The following COL4A1 variants were observed in gnomAD, a reference collection of about 807,000 sequenced individuals.
COL4A1 encodes collagen type IV alpha 1 chain.
Under a neutral mutation model 216.6 loss-of-function variants are expected in COL4A1, and 40 were observed. The observed-to-expected ratio is 0.18, with a 90% CI of 0.14 to 0.24. COL4A1 has a LOEUF of 0.24. Ranked by LOEUF, COL4A1 falls within the 10% of genes least tolerant of loss-of-function variation. The pLI, the probability that COL4A1 is intolerant of heterozygous loss-of-function variation, is 1.00. For synonymous variants in COL4A1, 839 were observed against 810.7 expected, an observed-to-expected ratio of 1.03 and a Z score of -0.59; for missense variants, 1,628 against 2,196.8, an observed-to-expected ratio of 0.74 and a Z score of 5.18.
intron 16 of COL4A1, 28 bp downstream of exon 16, chr13:110,205,466 C>G: frequency 6.2e-7 from 1 of 1,605,850 alleles, no homozygotes; most frequent in South Asian, 1.1e-5. Context: ...AGTGAGCCTG[C>G]TTGTAAAAAC....
At chr13:110,191,732 A>G in intron 24 of COL4A1, 1 of 642,752 alleles carries the variant, frequency 1.6e-6, no homozygotes, top group East Asian at 2.7e-5. Flanking sequence ...AGGCAAACAG[A>G]TCTGCTTTCC....
chr13:110,198,363 T>C (rs1293570094), intron 21 of COL4A1, 104 bp downstream of exon 21: 3 of 1,270,992 alleles, frequency 2.4e-6, no homozygotes, highest in Non-Finnish European at 2.3e-6. Context: ...CGCCTTTCTA[T>C]TACACTCTGG....
At chr13:110,261,107 G>A (rs1882806927) in intron 1 of COL4A1, among the ~76,000 whole-genome samples, 1 of 142,702 alleles carries the variant, frequency 7.0e-6, no homozygotes, top group South Asian at 2.4e-4. Flanking sequence ...TTTTAAAAAT[G>A]TGAAAAAGAT....
intron 2 of COL4A1, among the ~76,000 whole-genome samples, chr13:110,220,610 C>G (rs1880427156): frequency 6.6e-6 from 1 of 152,200 alleles, no homozygotes; most frequent in South Asian, 2.1e-4. Context: ...GACTTCGGGA[C>G]TTGTCCTGCC....
In COL4A1 at chr13:110,212,073, A is replaced by T; in HGVS notation, c.388-151T>A. ...GTCACAAGCTGTGCTACTGGGTACC[A>T]CTTTATGAAAGAAGAAATAGACTTG... On this transcript the variant is annotated intron_variant, in intron 6 of 51. Transcript: ENST00000375820. 4 of 844,482 alleles carry T rather than the reference A, an allele frequency of 4.7e-6. No individual in the cohort carries two copies. The South Asian group carries it at 5.7e-5, about 12-fold the overall frequency. The allele number at this position is 844,482 out of a possible 1,614,324, so 52.3% of individuals were successfully genotyped here. A position where few individuals can be genotyped will look rare whatever the true frequency, so the allele number is the denominator to read the frequency against.
At chr13:110,183,576 C>T (rs1010068941) in intron 26 of COL4A1, among the ~76,000 whole-genome samples, 5 of 152,218 alleles carry the variant, frequency 3.3e-5, no homozygotes, top group Non-Finnish European at 7.3e-5. Context: ...TCTACAACAA[C>T]AACATGTGAG....
chr13:110,247,573 A>T (rs1328567892), intron 1 of COL4A1, among the ~76,000 whole-genome samples: 1 of 152,168 alleles, frequency 6.6e-6, no homozygotes, highest in Admixed American at 6.5e-5. Context: ...AATACACAGT[A>T]CGAGTGCCAA....
chr13:110,180,225 T>C (rs1878082123), intron 29 of COL4A1, among the ~76,000 whole-genome samples: 1 of 152,216 alleles, frequency 6.6e-6, no homozygotes, highest in Non-Finnish European at 1.5e-5. Flanking sequence ...CCCATTCCAT[T>C]AGGCATTTAC....
At position 110,173,835 on chromosome 13, in the gene COL4A1, C is replaced by T. The variant is rs753268104; in HGVS notation, c.3505+65G>A. The T allele has an allele frequency of 2.1e-4, 338 of 1,582,572 alleles. 1 individual carries two copies. The highest frequency in any genetic ancestry group is 2.7e-4 in the Non-Finnish European group (310 of 1,152,242). ...CCCAGCTTTATTCACTGAACACAGG[C>T]AGTCTGCAGGTCTCTGGGAGTGGAC... is the stretch of plus-strand genomic sequence containing the variant. On this transcript the variant is annotated intron_variant, in intron 40 of 51. Transcript: ENST00000375820.
chr13:110,230,784 C>T (rs948113230), intron 2 of COL4A1, among the ~76,000 whole-genome samples: 1 of 152,246 alleles, frequency 6.6e-6, no homozygotes, highest in African/African-American at 2.4e-5. Flanking sequence ...TGTGGAGCCA[C>T]GGTCTCCTGT....
chr13:110,164,797 G>A, intron 46 of COL4A1, 65 bp downstream of exon 46: 3 of 1,591,166 alleles, frequency 1.9e-6, no homozygotes, highest in South Asian at 2.3e-5. Context: ...CATGGGTGAG[G>A]AGGAACTCTG....
At chr13:110,252,220 C>T (rs1238923706) in intron 1 of COL4A1, among the ~76,000 whole-genome samples, 2 of 151,712 alleles carry the variant, frequency 1.3e-5, no homozygotes, top group African/African-American at 4.8e-5. Flanking sequence ...GACGTGGTTT[C>T]ACCATGTTGG....
chr13:110,184,703 TTTTG>T (rs369415895), intron 26 of COL4A1, among the ~76,000 whole-genome samples: 46 of 149,026 alleles, frequency 3.1e-4, no homozygotes, highest in Middle Eastern at 3.4e-3. Context: ...TGTGTGTGTG[TTTTG>T]TTTGTTTGTT....
intron 21 of COL4A1, among the ~76,000 whole-genome samples, chr13:110,196,879 C>T (rs976348301): frequency 1.3e-5 from 2 of 152,112 alleles, no homozygotes; most frequent in African/African-American, 4.8e-5. Context: ...GATGTAGCCT[C>T]TTTAACATAC....
rs766488708 is a variant in COL4A1 at position 110,164,846 on chromosome 13, G to A, written c.4150+16C>T. 3.7e-6 allele frequency: 6 copies of A among 1,612,954 alleles called. No homozygotes were observed. Among genetic ancestry groups the A allele is most frequent in the East Asian group, 2.2e-5 (1 of 44,848 alleles). On this transcript the variant is annotated intron_variant, in intron 46 of 51. Coordinates refer to ENST00000375820, the MANE Select transcript of COL4A1 (RefSeq NM_001845.6). The stretch of plus-strand genomic sequence containing the variant: ...TGGGCTCCCCATACCGCCCTGCACA[G>A]GCCAAGCCTTCTCACCTTGCTGGCC...
intron 1 of COL4A1, chr13:110,265,392 C>CA (rs1882988703): frequency 1.3e-5 from 2 of 152,270 alleles, no homozygotes; most frequent in Non-Finnish European, 2.9e-5. Flanking sequence ...AAGTCTCACA[C>CA]AGTGTTGAGC....
chr13:110,207,647 A>T lies in COL4A1; in HGVS notation c.694-158T>A. The T allele has an allele frequency of 1.5e-6, 1 of 647,684 alleles. No homozygotes were observed. Among genetic ancestry groups the T allele is most frequent in the South Asian group, 1.9e-5 (1 of 51,546 alleles). 40.1% of individuals were successfully genotyped at this position (647,684 alleles called of 1,614,324 possible). Reference sequence around the variant, plus strand: ...TCATCCTTGCCTCTGCAGAAAATCAAATTTCAATAGGAAGATGATACAACA... The same window carrying T: ...TCATCCTTGCCTCTGCAGAAAATCATATTTCAATAGGAAGATGATACAACA... On this transcript the variant is annotated intron_variant, in intron 12 of 51. Transcript: ENST00000375820. This position sits in a 1 kb window ranked among gnomAD's most constrained non-coding sequence, Gnocchi z 4.4.
chr13:110,215,299 C>A (rs1241296816), intron 2 of COL4A1, among the ~76,000 whole-genome samples: 1 of 151,376 alleles, frequency 6.6e-6, no homozygotes, highest in African/African-American at 2.4e-5. Context: ...CTCGCTCATG[C>A]CTGTAATCCC....
intron 2 of COL4A1, 92 bp from the exon 3 acceptor site, chr13:110,214,107 T>G: frequency 9.6e-7 from 1 of 1,044,392 alleles, no homozygotes; most frequent in East Asian, 2.4e-5. Flanking sequence ...ATATATATTT[T>G]TTTTGAGATG....
Sources: gnomAD v4.1 joint callset for allele counts (sites outside exome capture counted in the v4.1 genomes callset) on GRCh38, gnomAD v4.1.1 for gene constraint, Gnocchi (gnomAD v3.1) non-coding constraint, MANE v1.5 for transcripts, NCBI Gene and HGNC (gene_info 2026-07-23, HGNC 2026-07-21) for gene names.